PPEF1: variants seen among roughly 807,000 people sequenced by gnomAD.
PPEF1 encodes serine/threonine-protein phosphatase with EF-hands 1.
In PPEF1, 12 loss-of-function variants were observed where a neutral mutation model predicts 53.3. That is an observed-to-expected ratio of 0.23 (90% CI 0.14 to 0.36). The LOEUF (loss-of-function observed/expected upper bound fraction) is 0.36, where lower values mean the gene tolerates loss of function less well. PPEF1 is among the 10% of genes least tolerant of loss of function. PPEF1 has a pLI of 1.00. For synonymous variants in PPEF1, 165 were observed against 176.7 expected (o/e 0.93, Z 0.52); for missense variants, 334 against 490.4 (o/e 0.68, Z 3.01).
intron 1 of PPEF1, among the ~76,000 whole-genome samples, chrX:18,720,243 A>T (rs1363335119): frequency 1.8e-5 from 2 of 111,577 alleles, no homozygotes; most frequent in Non-Finnish European, 3.8e-5. Flanking sequence ...ATGGAGAGAG[A>T]GAGAGAGAGA....
intron 3 of PPEF1, among the ~76,000 whole-genome samples, chrX:18,734,515 A>G (rs1325287022): frequency 1.8e-5 from 2 of 110,825 alleles, no homozygotes; most frequent in African/African-American, 3.3e-5. Context: ...CATTTTCTTA[A>G]TCCAGTCTAT....
chrX:18,798,408 C>T (rs1842564324), intron 10 of PPEF1, among the ~76,000 whole-genome samples: 3 of 111,755 alleles, frequency 2.7e-5, no homozygotes, highest in African/African-American at 9.8e-5. Flanking sequence ...ATTGAGGTGT[C>T]TTGGCTGGTC....
intron 6 of PPEF1, among the ~76,000 whole-genome samples, chrX:18,776,860 C>T (rs1340143266): frequency 1.8e-5 from 2 of 111,684 alleles, no homozygotes; most frequent in African/African-American, 6.5e-5. Flanking sequence ...GCGGAGGTTG[C>T]GGTGAGCTGA....
Position 18,790,498 on chromosome X carries a change from C to T in PPEF1, c.1065+1225C>T, listed in dbSNP as rs182720126. Among the ~76,000 whole-genome samples the T allele has an allele frequency of 3.1e-3, 340 of 110,491 alleles. 5 individuals are homozygous for T. The highest frequency in any genetic ancestry group is 0.024 in the Admixed American group (250 of 10,290). On this transcript the variant is annotated intron_variant, in intron 10 of 15. Transcript: ENST00000470157. Reference sequence around the variant, plus strand: ...GATATATTTTTTCTCTTTGGTTGCTCGTGTTTTTGGTGTTGTATCTAAGCT... The same window carrying T: ...GATATATTTTTTCTCTTTGGTTGCTTGTGTTTTTGGTGTTGTATCTAAGCT...
intron 3 of PPEF1, among the ~76,000 whole-genome samples, chrX:18,740,408 TCTCTC>T (rs2045120843): frequency 1.2e-5 from 1 of 81,259 alleles, no homozygotes; most frequent in African/African-American, 3.7e-5. Context: ...GTCCTCTCTC[TCTCTC>T]TTTTTTTTTT....
chrX:18,817,572 C>T (rs938049551), intron 12 of PPEF1, among the ~76,000 whole-genome samples: 1 of 111,087 alleles, frequency 9.0e-6, no homozygotes, highest in Non-Finnish European at 1.9e-5. Context: ...GATCTCTTGA[C>T]TTTGTCATCC....
At chrX:18,778,945 C>T in intron 6 of PPEF1, 65 bp from the exon 7 acceptor site, 1 of 1,034,678 alleles carries the variant, frequency 9.7e-7, no homozygotes, top group Non-Finnish European at 1.3e-6. Context: ...ATGTTATGTA[C>T]ACGGCCTGAC....
intron 13 of PPEF1, among the ~76,000 whole-genome samples, chrX:18,819,866 C>G: frequency 9.0e-6 from 1 of 111,632 alleles, no homozygotes; most frequent in East Asian, 2.8e-4. Context: ...AACAGTGATT[C>G]TCAAGTAGAA....
At chrX:18,779,438 C>T (rs1465242435) in intron 7 of PPEF1, among the ~76,000 whole-genome samples, 1 of 111,153 alleles carries the variant, frequency 9.0e-6, no homozygotes, top group South Asian at 3.8e-4. Flanking sequence ...CTCCCATGCC[C>T]GACCTTCACA....
chrX:18,759,784 T>A (rs2045621293), intron 5 of PPEF1, among the ~76,000 whole-genome samples: 1 of 111,934 alleles, frequency 8.9e-6, no homozygotes, highest in Non-Finnish European at 1.9e-5. Flanking sequence ...TTCCAGTATA[T>A]TTGGAGTCTT....
intron 8 of PPEF1, among the ~76,000 whole-genome samples, chrX:18,783,111 CAAAAA>C (rs139197097): frequency 1.7e-5 from 1 of 59,165 alleles, no homozygotes. Flanking sequence ...GACTCCATCT[CAAAAA>C]AAAAAAAAAA....
At chrX:18,683,743 A>G (rs1328633474) in intron 1 of PPEF1, among the ~76,000 whole-genome samples, 1 of 111,608 alleles carries the variant, frequency 9.0e-6, no homozygotes, top group African/African-American at 3.3e-5. Context: ...CCTTTTGCCC[A>G]TAGTTCATCT....
chrX:18,767,313 G>A (rs1321291024), intron 6 of PPEF1, among the ~76,000 whole-genome samples: 2 of 111,743 alleles, frequency 1.8e-5, no homozygotes, highest in Non-Finnish European at 3.8e-5. Flanking sequence ...TTGGGAGGCC[G>A]AGGCAGGTGG....
At chrX:18,736,065 C>T (rs778809357) in intron 3 of PPEF1, among the ~76,000 whole-genome samples, 23 of 111,614 alleles carry the variant, frequency 2.1e-4, no homozygotes, top group African/African-American at 7.5e-4. Context: ...ACAATCATGT[C>T]GTCTGCAAAC....
chrX:18,804,066 C>A lies in PPEF1; in HGVS notation c.1240C>A (p.His414Asn). The A allele has an allele frequency of 8.4e-7, 1 of 1,195,024 alleles. No individual in the cohort carries two copies. The highest frequency in any genetic ancestry group is 1.8e-5 in the South Asian group (1 of 54,798). Reference protein sequence around the residue: ...ECKPEGYEICHDGKVVTIFSA... With the variant: ...ECKPEGYEICNDGKVVTIFSA... The stretch of plus-strand genomic sequence containing the variant: ...TAAGCCCGAAGGGTATGAAATCTGT[C>A]ATGATGGGAAGGTAAGCTAAAATTG... Residue 414 changes from histidine (H) to asparagine (N), a missense_variant, in exon 11 of 16, where the codon CAT becomes AAT. By Grantham distance (68) the His-to-Asn change is moderately conservative. Coordinates refer to ENST00000470157, the MANE Select transcript of PPEF1 (RefSeq NM_001377996.1).
At chrX:18,741,849 G>A (rs1388076011) in intron 3 of PPEF1, among the ~76,000 whole-genome samples, 1 of 102,635 alleles carries the variant, frequency 9.7e-6, no homozygotes, top group Non-Finnish European at 2.0e-5. Flanking sequence ...TGTCACCCAG[G>A]CTGAATTGCA....
At chrX:18,680,845 T>C (rs780444029), upstream of PPEF1, among the ~76,000 whole-genome samples, 1 of 102,815 alleles carries the variant, frequency 9.7e-6, no homozygotes, top group South Asian at 4.8e-4. Context: ...CAATTCCCAC[T>C]TATGAGTGAA....
At chrX:18,815,799 AT>A (rs36103417) in intron 12 of PPEF1, among the ~76,000 whole-genome samples, 19,441 of 108,331 alleles carry the variant, frequency 0.18, 1,395 homozygotes, top group African/African-American at 0.27. Flanking sequence ...TTATCTTTCC[AT>A]TCTCTATTTC....
At chrX:18,806,299 T>G (rs1400122857) in intron 11 of PPEF1, 104 bp from the exon 12 acceptor site, 1 of 872,190 alleles carries the variant, frequency 1.1e-6, no homozygotes, top group Non-Finnish European at 1.6e-6. Context: ...TTTATGAACC[T>G]TCTTTGATTT....
Sources: allele counts gnomAD v4.1 joint callset (sites outside exome capture counted in the v4.1 genomes callset), GRCh38; gene constraint gnomAD v4.1.1; transcripts MANE v1.5; gene names NCBI Gene and HGNC (gene_info 2026-07-23, HGNC 2026-07-21).